UVRAG: variants seen among roughly 807,000 people sequenced by gnomAD.
UVRAG encodes UV radiation resistance associated, also known as UV radiation resistance-associated gene protein.
UVRAG carries 19 observed loss-of-function variants against 78.0 expected under a neutral mutation model. That is an observed-to-expected ratio of 0.24 (90% CI 0.17 to 0.36). The LOEUF (loss-of-function observed/expected upper bound fraction) is 0.36, where lower values mean the gene tolerates loss of function less well. Among genes scored for constraint, UVRAG ranks in the 10% least tolerant of loss-of-function variants. The pLI, the probability that UVRAG is intolerant of heterozygous loss-of-function variation, is 1.00. For synonymous variants in UVRAG, 323 were observed against 324.6 expected (o/e 1.00, Z 0.05); for missense variants, 740 against 853.8 (o/e 0.87, Z 1.66).
chr11:75,892,806 T>C (rs1947243634), intron 5 of UVRAG, among the ~76,000 whole-genome samples: 1 of 152,164 alleles, frequency 6.6e-6, no homozygotes, highest in South Asian at 2.1e-4. Flanking sequence ...CCAGTCAAGA[T>C]GACATTGTAA....
intron 6 of UVRAG, among the ~76,000 whole-genome samples, chr11:75,923,624 G>A (rs1322353582): frequency 6.6e-6 from 1 of 152,136 alleles, no homozygotes; most frequent in Non-Finnish European, 1.5e-5. Flanking sequence ...TTGAAGGTTA[G>A]GACTTAGCTA....
intron 5 of UVRAG, among the ~76,000 whole-genome samples, chr11:75,909,888 T>C (rs1947697385): frequency 6.6e-6 from 1 of 152,234 alleles, no homozygotes; most frequent in Admixed American, 6.5e-5. Flanking sequence ...CTGTCTAGTT[T>C]TGGCATCAGT....
rs539124407 is a variant in UVRAG at position 75,965,129 on chromosome 11, A to C, written c.699+3580A>C. On this transcript the variant is annotated intron_variant, in intron 7 of 14. Transcript: ENST00000356136. ...CAGTTTGTCAATTTCTACACACACA[A>C]AAAAAAGGTCTGATGGAATTTTGAT... 6.1e-5 allele frequency among the ~76,000 whole-genome samples: 9 copies of C among 146,962 alleles called. 1 individual carries two copies. The highest frequency in any genetic ancestry group is 7.4e-5 in the Non-Finnish European group (5 of 67,976).
intron 11 of UVRAG, among the ~76,000 whole-genome samples, chr11:76,011,921 C>G (rs773559805): frequency 5.3e-5 from 8 of 152,116 alleles, no homozygotes; most frequent in Admixed American, 2.0e-4. Flanking sequence ...CAGGAGCGAT[C>G]AGGAAAACTT....
chr11:76,091,882 C>T (rs910766982), intron 13 of UVRAG, among the ~76,000 whole-genome samples: 3 of 151,766 alleles, frequency 2.0e-5, no homozygotes, highest in African/African-American at 4.8e-5. Context: ...ATGTCCACAA[C>T]GTGCAGGTTT....
intron 1 of UVRAG, among the ~76,000 whole-genome samples, chr11:75,828,342 A>G (rs1945562104): frequency 6.6e-6 from 1 of 151,172 alleles, no homozygotes; most frequent in Admixed American, 6.6e-5. Flanking sequence ...GTGCCGTGCT[A>G]TGCACCTGTA....
intron 12 of UVRAG, among the ~76,000 whole-genome samples, chr11:76,045,629 C>A (rs186063315): frequency 1.4e-4 from 21 of 144,880 alleles, no homozygotes; most frequent in African/African-American, 5.1e-4. Flanking sequence ...AAAGATGAAG[C>A]GTGGCAAATT....
chr11:75,819,844 C>T (rs1462122366), intron 1 of UVRAG, among the ~76,000 whole-genome samples: 1 of 151,958 alleles, frequency 6.6e-6, no homozygotes, highest in African/African-American at 2.4e-5. Flanking sequence ...TGGCAGGTGC[C>T]TGTAATCCCA....
At chr11:75,818,337 TA>T (rs1170957258) in intron 1 of UVRAG, among the ~76,000 whole-genome samples, 1 of 152,158 alleles carries the variant, frequency 6.6e-6, no homozygotes, top group African/African-American at 2.4e-5. Context: ...GTTTTTTTTT[TA>T]AGTATTACTT....
At chr11:76,105,330 A>G (rs1951951058) in intron 13 of UVRAG, among the ~76,000 whole-genome samples, 1 of 152,154 alleles carries the variant, frequency 6.6e-6, no homozygotes, top group Admixed American at 6.5e-5. Flanking sequence ...ACTTGAGCCC[A>G]GGAGGTCAAG....
At chr11:76,045,889 T>C (rs529208647) in intron 12 of UVRAG, among the ~76,000 whole-genome samples, 5 of 152,238 alleles carry the variant, frequency 3.3e-5, no homozygotes, top group Admixed American at 3.3e-4. Flanking sequence ...AATACTTGAT[T>C]TCAAATGGAA....
chr11:76,095,001 A>T (rs959108410), intron 13 of UVRAG, among the ~76,000 whole-genome samples: 1 of 152,166 alleles, frequency 6.6e-6, no homozygotes, highest in Non-Finnish European at 1.5e-5. Flanking sequence ...GTTGGGAAAG[A>T]GGACTGAAGG....
At chr11:76,116,301 A>G (rs947808426) in intron 14 of UVRAG, among the ~76,000 whole-genome samples, 1 of 152,214 alleles carries the variant, frequency 6.6e-6, no homozygotes, top group Non-Finnish European at 1.5e-5. Context: ...AAACTGGAAG[A>G]CAGCCAGTAT....
intron 8 of UVRAG, among the ~76,000 whole-genome samples, chr11:75,993,411 A>G (rs995758776): frequency 1.3e-5 from 2 of 152,186 alleles, no homozygotes; most frequent in Non-Finnish European, 1.5e-5. Flanking sequence ...TCATGAGCTG[A>G]TCTTTTCAGT....
chr11:75,906,416 A>G (rs185817984), intron 5 of UVRAG, among the ~76,000 whole-genome samples: 2 of 152,020 alleles, frequency 1.3e-5, no homozygotes, highest in Admixed American at 1.3e-4. Context: ...GCGTGATCTC[A>G]GCTCACTTCA....
intron 4 of UVRAG, among the ~76,000 whole-genome samples, chr11:75,883,369 C>CA (rs561377655): frequency 5.4e-3 from 261 of 48,234 alleles, no homozygotes; most frequent in East Asian, 0.013. Flanking sequence ...TAACAGAGAA[C>CA]AAAAAAAAAA....
chr11:76,065,813 T>C (rs555608904), intron 13 of UVRAG, 25 bp downstream of exon 13: 1 of 1,606,100 alleles, frequency 6.2e-7, no homozygotes, highest in South Asian at 1.1e-5. Flanking sequence ...TTCACTTCTC[T>C]CCTACTTCCC....
At chr11:75,874,334 A>T (rs1031789923) in intron 3 of UVRAG, among the ~76,000 whole-genome samples, 1 of 152,136 alleles carries the variant, frequency 6.6e-6, no homozygotes, top group Non-Finnish European at 1.5e-5. Context: ...AACTAGATTC[A>T]AATTCTGATA....
At chr11:75,871,282 CTTT>C (rs769390519) in intron 3 of UVRAG, among the ~76,000 whole-genome samples, 5 of 124,394 alleles carry the variant, frequency 4.0e-5, no homozygotes, top group East Asian at 2.3e-4. Context: ...GGCATATGCC[CTTT>C]TTTTTTTTTT....
Sources: allele counts gnomAD v4.1 joint callset (sites outside exome capture counted in the v4.1 genomes callset), GRCh38; gene constraint gnomAD v4.1.1; transcripts MANE v1.5; gene names NCBI Gene and HGNC (gene_info 2026-07-23, HGNC 2026-07-21).